Variants in ABLIM2 observed in about 807,000 individuals in gnomAD.
The protein encoded by ABLIM2 is actin-binding LIM protein 2.
ABLIM2 carries 53 observed loss-of-function variants against 97.7 expected under a neutral mutation model. The ratio of observed to expected loss-of-function variants is 0.54; its 90% CI spans 0.44 to 0.68. ABLIM2 has a LOEUF of 0.68. ABLIM2 is among the 30% of genes least tolerant of loss of function. The pLI, the probability that ABLIM2 is intolerant of heterozygous loss-of-function variation, is 0.00. For synonymous variants in ABLIM2, 361 were observed against 345.8 expected, an observed-to-expected ratio of 1.04 and a Z score of -0.49; for missense variants, 835 against 867.2, an observed-to-expected ratio of 0.96 and a Z score of 0.47.
At chr4:8,131,731 C>A (rs1428447344) in intron 1 of ABLIM2, among the ~76,000 whole-genome samples, 13 of 91,398 alleles carry the variant, frequency 1.4e-4, no homozygotes, top group African/African-American at 6.1e-4. Context: ...CACAGCAGCC[C>A]GCATCCCCAG....
chr4:8,006,239 G>C lies in ABLIM2; in HGVS notation c.1618+1820C>G, dbSNP rs529270396. Among the ~76,000 whole-genome samples, 5 of 152,294 alleles carry C rather than the reference G, an allele frequency of 3.3e-5. No individual in the cohort carries two copies. In the South Asian group the frequency reaches 1.0e-3, roughly 32 times the overall value. Reference sequence around the variant, plus strand: ...GTATCAGGGGCACGGGGGTCACAGGGGGCAGCCCGTCTCTAGTCCGGCTTC... The same window carrying C: ...GTATCAGGGGCACGGGGGTCACAGGCGGCAGCCCGTCTCTAGTCCGGCTTC... On this transcript the variant is annotated intron_variant, in intron 16 of 20. Transcript: ENST00000447017.
At chr4:8,088,590 C>A (rs1210458211) in intron 3 of ABLIM2, among the ~76,000 whole-genome samples, 3 of 152,246 alleles carry the variant, frequency 2.0e-5, no homozygotes, top group Admixed American at 2.0e-4. Flanking sequence ...TGGCAACATG[C>A]CAGGCTGCCT....
Position 8,095,903 on chromosome 4 carries a change from T to C in ABLIM2, c.338+1196A>G, listed in dbSNP as rs1831327605. On this transcript the variant is annotated intron_variant, in intron 3 of 20. Transcript: ENST00000447017. The surrounding 1 kb of genome is among the most constrained non-coding windows in gnomAD (Gnocchi z 4.7). ...GCAACCTGGTCATTCTCTGCCCCAC[T>C]GTGTGAAATTCCTCTGCGACTACAG... Among the ~76,000 whole-genome samples the C allele has an allele frequency of 6.6e-6, 1 of 152,174 alleles. No individual in the cohort carries two copies. Among genetic ancestry groups the C allele is most frequent in the Non-Finnish European group, 1.5e-5 (1 of 68,028 alleles).
chr4:8,017,658 T>G (rs1408456114), intron 14 of ABLIM2, among the ~76,000 whole-genome samples: 1 of 152,178 alleles, frequency 6.6e-6, no homozygotes, highest in African/African-American at 2.4e-5. Flanking sequence ...GGAATTAACT[T>G]GCCTTTGCAT....
At chr4:8,101,013 C>T (rs1224726255) in intron 2 of ABLIM2, among the ~76,000 whole-genome samples, 1 of 152,156 alleles carries the variant, frequency 6.6e-6, no homozygotes, top group Non-Finnish European at 1.5e-5. Context: ...AGACTCAGAC[C>T]AGGGGAAAGC....
At chr4:8,057,866 C>T (rs1009271935) in intron 7 of ABLIM2, among the ~76,000 whole-genome samples, 11 of 152,358 alleles carry the variant, frequency 7.2e-5, no homozygotes, top group African/African-American at 2.4e-4. Context: ...CCCGACATCC[C>T]TGGAGGCCAC....
At chr4:8,010,289 A>G in intron 14 of ABLIM2, 2 of 852,540 alleles carry the variant, frequency 2.3e-6, no homozygotes, top group Non-Finnish European at 2.8e-6. Context: ...CCAACTTAGT[A>G]GGTAAACACC....
At position 8,002,152 on chromosome 4, in the gene ABLIM2, G is replaced by A. The variant is rs372801594; in HGVS notation, c.1618+5907C>T. Among the ~76,000 whole-genome samples, 24 of 152,236 alleles carry A rather than the reference G, an allele frequency of 1.6e-4. No homozygotes were observed. In the East Asian group the frequency reaches 3.5e-3, roughly 22 times the overall value. On this transcript the variant is annotated intron_variant, in intron 16 of 20. Coordinates refer to ENST00000447017, the MANE Select transcript of ABLIM2 (RefSeq NM_001130083.2). This position sits in a 1 kb window ranked among gnomAD's most constrained non-coding sequence, Gnocchi z 6.1. ...ACGGTTCCAGTCCCATCTGGGAGCC[G>A]GGGACCCTCAGTCTCTGCCTCCAGC...
rs1852057388 is a variant in ABLIM2, at chr4:8,147,719, G to T, written c.10+10961C>A. 6.6e-6 allele frequency among the ~76,000 whole-genome samples: 1 copy of T among 152,180 alleles called. No homozygotes were observed. Among genetic ancestry groups the T allele is most frequent in the South Asian group, 2.1e-4 (1 of 4,830 alleles). On this transcript the variant is annotated intron_variant, in intron 1 of 20. Coordinates refer to ENST00000447017, the MANE Select transcript of ABLIM2 (RefSeq NM_001130083.2). The surrounding 1 kb of genome is among the most constrained non-coding windows in gnomAD (Gnocchi z 5.3). ...CTGAGCCTCCCCTGAGCCCCCGAGGGAGCTGCCAGCGCCGTTTAGCCTCGG... is the reference window on the plus strand; with the variant it reads ...CTGAGCCTCCCCTGAGCCCCCGAGGTAGCTGCCAGCGCCGTTTAGCCTCGG...
rs972587367 is a variant in ABLIM2, at chr4:8,068,698, G to A, written c.676-7644C>T. Among the ~76,000 whole-genome samples the A allele has an allele frequency of 1.3e-5, 2 of 152,160 alleles. No individual in the cohort carries two copies. The highest frequency in any genetic ancestry group is 4.8e-5 in the African/African-American group (2 of 41,426). ...CCACACTTCCCCTTGCTTCTTCCCC[G>A]CTGCGGGCTCCCGCTCAGCCGAGGG... is the stretch of plus-strand genomic sequence containing the variant. On this transcript the variant is annotated intron_variant, in intron 6 of 20. Transcript: ENST00000447017. This position sits in a 1 kb window ranked among gnomAD's most constrained non-coding sequence, Gnocchi z 4.5.
rs1236298865 is a variant in ABLIM2 at position 8,074,174 on chromosome 4, C to T, written c.675+3454G>A. Among the ~76,000 whole-genome samples, 3 of 150,072 alleles carry T rather than the reference C, an allele frequency of 2.0e-5. No homozygotes were observed. The East Asian group carries it at 6.0e-4, about 30-fold the overall frequency. On this transcript the variant is annotated intron_variant, in intron 6 of 20. Coordinates refer to ENST00000447017, the MANE Select transcript of ABLIM2 (RefSeq NM_001130083.2). ...AAAGGCAAATTAAAGCTAGACCCTG[C>T]AGGGTGCGGTGGCTCACACCCCTAA... is the stretch of plus-strand genomic sequence containing the variant.
intron 14 of ABLIM2, among the ~76,000 whole-genome samples, chr4:8,016,394 C>T (rs946950579): frequency 1.3e-5 from 2 of 152,092 alleles, no homozygotes; most frequent in African/African-American, 4.8e-5. Context: ...CTGAGGGAAT[C>T]GATCCACAGA....
At chr4:7,979,931 A>G (rs1736662687) in intron 20 of ABLIM2, among the ~76,000 whole-genome samples, 1 of 152,204 alleles carries the variant, frequency 6.6e-6, no homozygotes, top group Non-Finnish European at 1.5e-5. Flanking sequence ...TTCCCCGCAG[A>G]TTTAGAGCCT....
At position 8,127,675 on chromosome 4, in the gene ABLIM2, C is replaced by T. The variant is rs1848619621; in HGVS notation, c.11-21038G>A. The stretch of plus-strand genomic sequence containing the variant: ...CGGGCAGGAGTGGACCGGGGAAGAG[C>T]CTCTGTGGCCCACAGGGCTCCCACA... On this transcript the variant is annotated intron_variant, in intron 1 of 20. Transcript: ENST00000447017. This position sits in a 1 kb window ranked among gnomAD's most constrained non-coding sequence, Gnocchi z 7.3. 7.9e-7 allele frequency: 1 copy of T among 1,268,582 alleles called. No homozygotes were observed. The highest frequency in any genetic ancestry group is 1.0e-6 in the Non-Finnish European group (1 of 974,056). The allele number at this position is 1,268,582 out of a possible 1,614,324, so 78.6% of individuals were successfully genotyped here.
intron 1 of ABLIM2, among the ~76,000 whole-genome samples, chr4:8,145,262 C>T (rs932638728): frequency 6.6e-6 from 1 of 151,932 alleles, no homozygotes; most frequent in African/African-American, 2.4e-5. Flanking sequence ...CAGCTCACTG[C>T]AATCTTCGCC....
In ABLIM2 at chr4:8,120,432, C is replaced by T. The variant is rs1038780441; in HGVS notation, c.11-13795G>A. 5.3e-5 allele frequency among the ~76,000 whole-genome samples: 8 copies of T among 152,294 alleles called. No individual in the cohort carries two copies. Among genetic ancestry groups the T allele is most frequent in the Non-Finnish European group, 1.0e-4 (7 of 68,028 alleles). On this transcript the variant is annotated intron_variant, in intron 1 of 20. Transcript: ENST00000447017. The surrounding 1 kb of genome is among the most constrained non-coding windows in gnomAD (Gnocchi z 5.6). ...GACACAGAGACAACCCCAGACAATCCCCCGTCTGTGTGTTTTGTCGTGGCA... is the reference window on the plus strand; with the variant it reads ...GACACAGAGACAACCCCAGACAATCTCCCGTCTGTGTGTTTTGTCGTGGCA...
At chr4:7,988,624 A>G (rs1746288404) in intron 17 of ABLIM2, among the ~76,000 whole-genome samples, 1 of 152,242 alleles carries the variant, frequency 6.6e-6, no homozygotes, top group South Asian at 2.1e-4. Flanking sequence ...AGCTAGCGAC[A>G]TGGAAGCAAG....
chr4:8,111,434 C>G (rs1394899502), intron 1 of ABLIM2, among the ~76,000 whole-genome samples: 1 of 152,210 alleles, frequency 6.6e-6, no homozygotes, highest in Non-Finnish European at 1.5e-5. Context: ...CCCATAGAAC[C>G]TATAACACTA....
At position 8,148,941 on chromosome 4, in the gene ABLIM2, C is replaced by T. The variant is rs956458467; in HGVS notation, c.10+9739G>A. On this transcript the variant is annotated intron_variant, in intron 1 of 20. Coordinates refer to ENST00000447017, the MANE Select transcript of ABLIM2 (RefSeq NM_001130083.2). The surrounding 1 kb of genome is among the most constrained non-coding windows in gnomAD (Gnocchi z 6.7). ...CACGCCAGGACCCGGGATCTGGAGG[C>T]ACCAGGGAGAGTCCAGCTGTGCCAA... is the stretch of plus-strand genomic sequence containing the variant. Among the ~76,000 whole-genome samples the T allele has an allele frequency of 6.6e-6, 1 of 152,216 alleles. No individual in the cohort carries two copies. Among genetic ancestry groups the T allele is most frequent in the African/African-American group, 2.4e-5 (1 of 41,460 alleles).
Sources: allele counts gnomAD v4.1 joint callset (sites outside exome capture counted in the v4.1 genomes callset), GRCh38; gene constraint gnomAD v4.1.1; non-coding constraint Gnocchi (gnomAD v3.1); transcripts MANE v1.5; gene names NCBI Gene and HGNC (gene_info 2026-07-23, HGNC 2026-07-21).